Variants in SAMD5 observed in about 807,000 individuals in gnomAD.
SAMD5 encodes sterile alpha motif domain-containing protein 5.
In SAMD5, 13 loss-of-function variants were observed where a neutral mutation model predicts 11.3. The observed-to-expected ratio is 1.15, with a 90% CI of 0.75 to 1.83. SAMD5 has a LOEUF of 1.83. SAMD5 is among the 40% of genes most tolerant of loss of function. The pLI, the probability that SAMD5 is intolerant of heterozygous loss-of-function variation, is 0.00. For missense variants in SAMD5, 255 were observed against 239.1 expected, an observed-to-expected ratio of 1.07 and a Z score of -0.44; for synonymous variants, 129 against 111.3, an observed-to-expected ratio of 1.16 and a Z score of -1.00.
intron 1 of SAMD5, among the ~76,000 whole-genome samples, chr6:147,695,376 G>A (rs575380146): frequency 3.2e-4 from 49 of 152,044 alleles, no homozygotes; most frequent in South Asian, 1.2e-3. Context: ...TAGGCCAACC[G>A]TGCATATGTG....
chr6:147,637,551 C>T (rs1343669703), intron 1 of SAMD5, among the ~76,000 whole-genome samples: 5 of 152,164 alleles, frequency 3.3e-5, no homozygotes, highest in Non-Finnish European at 5.9e-5. Flanking sequence ...CCCAGATGTG[C>T]CAAGGTATTT....
chr6:147,949,060 C>T, the SAMD5 span, among the ~76,000 whole-genome samples: 1 of 152,206 alleles, frequency 6.6e-6, no homozygotes, highest in Non-Finnish European at 1.5e-5. Context: ...TGAAGCCTAT[C>T]AGAGACCCAC....
At position 147,568,875 on chromosome 6, in the gene SAMD5, CCTA is replaced by C. The variant is rs1052593387; in HGVS notation, c.*4423_*4425del. The stretch of plus-strand genomic sequence containing the variant: ...ACTTTCTAGTCCATGATCATTAATC[CCTA>C]CTATTTTAGATATTTCCATAAAAGG... On this transcript the variant is annotated 3_prime_UTR_variant, in exon 2 of 2. Coordinates refer to ENST00000367474, the MANE Select transcript of SAMD5 (RefSeq NM_001030060.3). The C allele has an allele frequency of 3.1e-6, 3 of 962,920 alleles. No individual in the cohort carries two copies. The African/African-American group carries it at 5.3e-5, about 17-fold the overall frequency. The allele number at this position is 962,920 out of a possible 1,614,324, so 59.6% of individuals were successfully genotyped here.
the SAMD5 span, among the ~76,000 whole-genome samples, chr6:147,946,555 A>C: frequency 1.5e-4 from 23 of 152,312 alleles, no homozygotes; most frequent in South Asian, 4.8e-3. Flanking sequence ...TGATCTTCAC[A>C]AGACTTAAGT....
At chr6:147,639,093 C>T (rs1477799203) in intron 1 of SAMD5, among the ~76,000 whole-genome samples, 1 of 152,154 alleles carries the variant, frequency 6.6e-6, no homozygotes, top group Admixed American at 6.5e-5. Flanking sequence ...GTTATTTAAA[C>T]TGCAAATTGC....
chr6:147,734,683 A>C (rs1791766648), intron 1 of SAMD5, among the ~76,000 whole-genome samples: 1 of 125,654 alleles, frequency 8.0e-6, no homozygotes, highest in Non-Finnish European at 1.6e-5. Flanking sequence ...ACTGCACTCC[A>C]GCCTGGGCGG....
the SAMD5 span, among the ~76,000 whole-genome samples, chr6:147,883,045 C>G: frequency 6.6e-6 from 1 of 152,164 alleles, no homozygotes; most frequent in Non-Finnish European, 1.5e-5. Context: ...CTGGAAGAAG[C>G]AATTGCTTCC....
chr6:147,916,323 G>A, the SAMD5 span, among the ~76,000 whole-genome samples: 44 of 151,998 alleles, frequency 2.9e-4, no homozygotes, highest in African/African-American at 7.0e-4. Flanking sequence ...TTGAGGAATC[G>A]CCACACTGTC....
At chr6:147,746,075 G>A in the SAMD5 span, among the ~76,000 whole-genome samples, 3 of 152,000 alleles carry the variant, frequency 2.0e-5, no homozygotes, top group South Asian at 2.1e-4. Context: ...GCTTCATTTC[G>A]CCTGTAAAAA....
At chr6:147,909,986 C>T in the SAMD5 span, among the ~76,000 whole-genome samples, 1 of 151,990 alleles carries the variant, frequency 6.6e-6, no homozygotes, top group Non-Finnish European at 1.5e-5. Flanking sequence ...ATTTAGTGCT[C>T]CAGTGTCTTG....
chr6:147,583,511 C>CATT (rs1185713681), intron 1 of SAMD5, among the ~76,000 whole-genome samples: 2 of 151,642 alleles, frequency 1.3e-5, no homozygotes, highest in African/African-American at 4.8e-5. Flanking sequence ...GAAAGTACAA[C>CATT]ATTATTATTT....
intron 1 of SAMD5, among the ~76,000 whole-genome samples, chr6:147,665,377 T>A (rs1227319547): frequency 6.6e-6 from 1 of 152,312 alleles, no homozygotes; most frequent in Non-Finnish European, 1.5e-5. Context: ...CATGGTATGA[T>A]GGTAGATGAG....
the SAMD5 span, among the ~76,000 whole-genome samples, chr6:147,747,139 G>T: frequency 2.0e-5 from 3 of 152,208 alleles, no homozygotes; most frequent in South Asian, 6.2e-4. Flanking sequence ...AGGGATGTTT[G>T]CTGGAAGAAA....
At chr6:147,609,230 C>A (rs1583104917) in intron 1 of SAMD5, among the ~76,000 whole-genome samples, 1 of 152,248 alleles carries the variant, frequency 6.6e-6, no homozygotes, top group East Asian at 1.9e-4. Flanking sequence ...TCCAATATGA[C>A]TTGTGTCCTC....
chr6:147,689,891 C>A (rs865963514), intron 1 of SAMD5, among the ~76,000 whole-genome samples: 1 of 152,112 alleles, frequency 6.6e-6, no homozygotes, highest in African/African-American at 2.4e-5. Context: ...AAAAGTAATT[C>A]TGTCTGGAAA....
chr6:147,934,562 C>T, the SAMD5 span, among the ~76,000 whole-genome samples: 1 of 152,000 alleles, frequency 6.6e-6, no homozygotes, highest in African/African-American at 2.4e-5. Context: ...GGGGTAATGA[C>T]AGGTGGGTGA....
At chr6:147,797,842 T>C in the SAMD5 span, among the ~76,000 whole-genome samples, 2 of 150,800 alleles carry the variant, frequency 1.3e-5, no homozygotes, top group African/African-American at 4.9e-5. Flanking sequence ...CTAGATTTTC[T>C]AGTTTATTTG....
chr6:147,602,211 G>C (rs1259129450), intron 1 of SAMD5, among the ~76,000 whole-genome samples: 2 of 152,160 alleles, frequency 1.3e-5, no homozygotes, highest in Non-Finnish European at 2.9e-5. Context: ...GGGTTGGACA[G>C]GCTAAAGAAT....
At chr6:147,528,320 G>A (rs1012545837) in intron 1 of SAMD5, among the ~76,000 whole-genome samples, 3 of 152,080 alleles carry the variant, frequency 2.0e-5, no homozygotes, top group African/African-American at 7.2e-5. Flanking sequence ...AGTTCTGAAG[G>A]CTTGAAGTCC....
Sources: gnomAD v4.1 joint callset for allele counts (sites outside exome capture counted in the v4.1 genomes callset) on GRCh38, gnomAD v4.1.1 for gene constraint, MANE v1.5 for transcripts, NCBI Gene and HGNC (gene_info 2026-07-23, HGNC 2026-07-21) for gene names.